Variants in TRAF5 observed in about 807,000 individuals in gnomAD.
The protein encoded by TRAF5 is TNF receptor associated factor 5, also known as TNF receptor-associated factor 5.
Under a neutral mutation model 64.5 loss-of-function variants are expected in TRAF5, and 48 were observed. The observed-to-expected ratio is 0.74, with a 90% CI of 0.59 to 0.95. TRAF5 has a LOEUF of 0.95. Among genes scored for constraint, TRAF5 ranks in the 40% least tolerant of loss-of-function variants. The probability of loss-of-function intolerance (pLI) is 0.00; values close to 1 mark genes in which losing one functional copy is unlikely to be tolerated. For synonymous variants in TRAF5, 206 were observed against 240.5 expected (o/e 0.86, Z 1.33); for missense variants, 545 against 662.8 (o/e 0.82, Z 1.95).
chr1:211,354,498 T>C (rs748806458), intron 3 of TRAF5, 31 bp downstream of exon 3: 1 of 1,608,608 alleles, frequency 6.2e-7, no homozygotes, highest in Non-Finnish European at 8.5e-7. Context: ...GTCTAGCAGC[T>C]CTCAGGGTGA....
In TRAF5 at chr1:211,374,280, C is replaced by G. The variant is rs1226099851; in HGVS notation, c.*1578C>G. Reference sequence around the variant, plus strand: ...GCCCTTCTGCGTTGTTATGCCACTTCCCTACTGCTCATATGCACGCTGGCT... The same window carrying G: ...GCCCTTCTGCGTTGTTATGCCACTTGCCTACTGCTCATATGCACGCTGGCT... On this transcript the variant is annotated 3_prime_UTR_variant, in exon 11 of 11. Transcript: ENST00000261464. The G allele has an allele frequency of 6.5e-6, 1 of 152,894 alleles. No individual in the cohort carries two copies. The highest frequency in any genetic ancestry group is 2.4e-5 in the African/African-American group (1 of 41,460). 9.5% of individuals were successfully genotyped at this position (152,894 alleles called of 1,614,324 possible). A position where few individuals can be genotyped will look rare whatever the true frequency, so the allele number is the denominator to read the frequency against.
At chr1:211,339,085 G>A (rs1702379125) in intron 1 of TRAF5, among the ~76,000 whole-genome samples, 1 of 152,118 alleles carries the variant, frequency 6.6e-6, no homozygotes, top group Non-Finnish European at 1.5e-5. Context: ...ACTGGCTTCG[G>A]AGTCAGAAAG....
rs139245462 is a variant in TRAF5 at position 211,349,102 on chromosome 1, G to T, written c.-1-4137G>T. Among the ~76,000 whole-genome samples, 38 of 151,984 alleles carry T rather than the reference G, an allele frequency of 2.5e-4. 1 individual carries two copies. The highest frequency in any genetic ancestry group is 8.9e-4 in the African/African-American group (37 of 41,430). On this transcript the variant is annotated intron_variant, in intron 1 of 10. Coordinates refer to ENST00000261464, the MANE Select transcript of TRAF5 (RefSeq NM_001033910.3). ...ACGCACCTGTAGTCCTAACTACTGG[G>T]GAGGTTTAGGTGGAAGGATCACTTG...
At chr1:211,356,616 C>A in intron 4 of TRAF5, 148 bp downstream of exon 4, 1 of 692,000 alleles carries the variant, frequency 1.4e-6, no homozygotes. Context: ...ATACAGGTGG[C>A]TACAGTGCTG....
At chr1:211,355,843 G>C (rs1702944639) in intron 3 of TRAF5, among the ~76,000 whole-genome samples, 2 of 152,330 alleles carry the variant, frequency 1.3e-5, no homozygotes, top group South Asian at 4.1e-4. Context: ...CATAAATAGT[G>C]TTTTATTGGA....
intron 1 of TRAF5, 140 bp downstream of exon 1, chr1:211,327,029 G>A: frequency 9.4e-6 from 7 of 743,766 alleles, no homozygotes; most frequent in Non-Finnish European, 1.1e-5. Context: ...CCCGACCGGC[G>A]GGGAGGGCGC....
At chr1:211,331,092 A>G (rs1411758434) in intron 1 of TRAF5, among the ~76,000 whole-genome samples, 1 of 152,148 alleles carries the variant, frequency 6.6e-6, no homozygotes, top group Non-Finnish European at 1.5e-5. Flanking sequence ...GCTGTTCCTC[A>G]GTCACCTTTA....
At chr1:211,361,704 T>G (rs1478829208) in intron 7 of TRAF5, among the ~76,000 whole-genome samples, 4 of 142,262 alleles carry the variant, frequency 2.8e-5, no homozygotes, top group Admixed American at 7.1e-5. Context: ...TTTTTTTTTT[T>G]TTTTTTTTTT....
At chr1:211,340,959 G>C (rs1479193563) in intron 1 of TRAF5, among the ~76,000 whole-genome samples, 5 of 152,252 alleles carry the variant, frequency 3.3e-5, no homozygotes, top group African/African-American at 7.2e-5. Flanking sequence ...CCTGGTGCTG[G>C]GTCTGATCAC....
chr1:211,365,450 T>C lies in TRAF5; in HGVS notation c.771T>C (p.Asn257=). 4 of 1,613,358 alleles carry C rather than the reference T, an allele frequency of 2.5e-6. No individual in the cohort carries two copies. The highest frequency in any genetic ancestry group is 3.4e-6 in the Non-Finnish European group (4 of 1,179,566). ...ACATGCGTTTGGTTTTAGAAAAGAA[T>C]GTCCAATTAGAAGAACAGGTAAATC... is the stretch of plus-strand genomic sequence containing the variant. ...REHMRLVLEK[N]VQLEEQISDL... The change falls in exon 8 of 11, where the codon AAT becomes AAC. Residue 257 remains asparagine, a synonymous_variant. Coordinates refer to ENST00000261464, the MANE Select transcript of TRAF5 (RefSeq NM_001033910.3).
At chr1:211,337,969 C>T (rs1702348197) in intron 1 of TRAF5, among the ~76,000 whole-genome samples, 2 of 152,272 alleles carry the variant, frequency 1.3e-5, no homozygotes, top group South Asian at 4.1e-4. Flanking sequence ...GAAATCAGGG[C>T]ATTGTCAGTC....
Position 211,360,619 on chromosome 1 carries a change from A to G in TRAF5, c.544-83A>G, listed in dbSNP as rs1366546132. On this transcript the variant is annotated intron_variant, in intron 5 of 10. Coordinates refer to ENST00000261464, the MANE Select transcript of TRAF5 (RefSeq NM_001033910.3). Reference sequence around the variant, plus strand: ...CTGTAGAGAGTAAGCCACGTGACATATAATCCCCAAAGAGACACAGGTGTA... The same window carrying G: ...CTGTAGAGAGTAAGCCACGTGACATGTAATCCCCAAAGAGACACAGGTGTA... 3 of 1,123,614 alleles carry G rather than the reference A, an allele frequency of 2.7e-6. No individual in the cohort carries two copies. The Admixed American group carries it at 5.5e-5, about 21-fold the overall frequency. The allele number at this position is 1,123,614 out of a possible 1,614,324, so 69.6% of individuals were successfully genotyped here. A position where few individuals can be genotyped will look rare whatever the true frequency, so the allele number is the denominator to read the frequency against.
At chr1:211,350,335 G>T (rs1702748893) in intron 1 of TRAF5, among the ~76,000 whole-genome samples, 1 of 150,118 alleles carries the variant, frequency 6.7e-6, no homozygotes, top group African/African-American at 2.5e-5. Flanking sequence ...CCCTGCCTCA[G>T]CCTCCCAGGT....
In TRAF5 at chr1:211,374,343, C is replaced by G. The variant is rs1572100246; in HGVS notation, c.*1641C>G. On this transcript the variant is annotated 3_prime_UTR_variant, in exon 11 of 11. Coordinates refer to ENST00000261464, the MANE Select transcript of TRAF5 (RefSeq NM_001033910.3). ...CAAGGATGAGTATGGGCCATGGGCC[C>G]CTGTAGAGCTGCTTACCTGGTGATG... 1 of 152,752 alleles carries G rather than the reference C, an allele frequency of 6.5e-6. No homozygotes were observed. 9.5% of individuals were successfully genotyped at this position (152,752 alleles called of 1,614,324 possible).
In TRAF5 at chr1:211,355,597, C is replaced by T. The variant is rs553426852; in HGVS notation, c.277-770C>T. On this transcript the variant is annotated intron_variant, in intron 3 of 10. Coordinates refer to ENST00000261464, the MANE Select transcript of TRAF5 (RefSeq NM_001033910.3). ...AACACGGCTGTGCTGCATTTAGTGT[C>T]TGTCTGACCTACTATCCAGGGGTTG... Among the ~76,000 whole-genome samples the T allele has an allele frequency of 2.6e-5, 4 of 152,288 alleles. No individual in the cohort carries two copies. In the East Asian group the frequency reaches 5.8e-4, roughly 22 times the overall value.
At chr1:211,343,717 T>C (rs1326282350) in intron 1 of TRAF5, among the ~76,000 whole-genome samples, 1 of 152,196 alleles carries the variant, frequency 6.6e-6, no homozygotes, top group African/African-American at 2.4e-5. Context: ...ACCCTTCTCT[T>C]GCCCTCTGCC....
chr1:211,331,806 C>T (rs1191472788), intron 1 of TRAF5, among the ~76,000 whole-genome samples: 2 of 152,132 alleles, frequency 1.3e-5, no homozygotes, highest in Non-Finnish European at 2.9e-5. Flanking sequence ...GCTGGGATTA[C>T]AGGCATCCGC....
intron 3 of TRAF5, among the ~76,000 whole-genome samples, chr1:211,355,854 A>G (rs1702945172): frequency 6.6e-6 from 1 of 152,358 alleles, no homozygotes; most frequent in African/African-American, 2.4e-5. Context: ...TTTTATTGGA[A>G]TGTAGCTGTG....
intron 7 of TRAF5, among the ~76,000 whole-genome samples, chr1:211,361,369 C>G (rs1042859287): frequency 1.3e-5 from 2 of 152,142 alleles, no homozygotes; most frequent in Non-Finnish European, 2.9e-5. Context: ...TTGGCTCTTG[C>G]AGTTGTGGGG....
Sources: gnomAD v4.1 joint callset for allele counts (sites outside exome capture counted in the v4.1 genomes callset) on GRCh38, gnomAD v4.1.1 for gene constraint, MANE v1.5 for transcripts, NCBI Gene and HGNC (gene_info 2026-07-23, HGNC 2026-07-21) for gene names.